The following SPTAN1 variants were observed in gnomAD, a reference collection of about 807,000 sequenced individuals.
SPTAN1 encodes spectrin alpha chain, non-erythrocytic 1.
SPTAN1 carries 61 observed loss-of-function variants against 331.3 expected under a neutral mutation model. The observed-to-expected ratio is 0.18, with a 90% confidence interval of 0.15 to 0.23. The LOEUF (loss-of-function observed/expected upper bound fraction) is 0.23, where lower values mean the gene tolerates loss of function less well. Ranked by LOEUF, SPTAN1 falls within the 10% of genes least tolerant of loss-of-function variation. The pLI, the probability that SPTAN1 is intolerant of heterozygous loss-of-function variation, is 1.00. For synonymous variants in SPTAN1, 1,153 were observed against 1,173.9 expected (o/e 0.98, Z 0.36); for missense variants, 2,043 against 3,147.9 (o/e 0.65, Z 8.40).
At chr9:128,561,922 G>T (rs978248238) in intron 1 of SPTAN1, among the ~76,000 whole-genome samples, 10 of 151,992 alleles carry the variant, frequency 6.6e-5, no homozygotes, top group Non-Finnish European at 1.3e-4. Flanking sequence ...GAGAGTAAGA[G>T]TAAAATATGG....
intron 42 of SPTAN1, 30 bp from the exon 43 acceptor site, chr9:128,617,957 G>T (rs1482218757): frequency 1.2e-6 from 2 of 1,614,160 alleles, no homozygotes; most frequent in Non-Finnish European, 1.7e-6. Flanking sequence ...AGAGCTACCT[G>T]CTGTTAACCT....
At position 128,575,106 on chromosome 9, in the gene SPTAN1, G is replaced by A. The variant is rs1301001316; in HGVS notation, c.505-93G>A. ...AACTGTATCCATTAAAGCTAACATGGCTCCGTCCCTAATGTGTCTGTTTGA... is the reference window on the plus strand; with the variant it reads ...AACTGTATCCATTAAAGCTAACATGACTCCGTCCCTAATGTGTCTGTTTGA... On this transcript the variant is annotated intron_variant, in intron 4 of 56. Coordinates refer to ENST00000372739, the MANE Select transcript of SPTAN1 (RefSeq NM_001130438.3). 4 of 1,546,266 alleles carry A rather than the reference G, an allele frequency of 2.6e-6. No homozygotes were observed. The East Asian group carries it at 9.0e-5, about 35-fold the overall frequency.
In SPTAN1 at chr9:128,623,126, G is replaced by A. The variant is rs193065306; in HGVS notation, c.5833-1202G>A. Among the ~76,000 whole-genome samples the A allele has an allele frequency of 5.3e-4, 80 of 152,158 alleles. 2 individuals carry two copies. The highest frequency in any genetic ancestry group is 1.9e-3 in the African/African-American group (78 of 41,498). On this transcript the variant is annotated intron_variant, in intron 45 of 56. Transcript: ENST00000372739. ...GCTGGAGTGTAGTGGCACGATCTCGGCTCACTGTAGCCTCTGCCTCCCGGG... is the reference window on the plus strand; with the variant it reads ...GCTGGAGTGTAGTGGCACGATCTCGACTCACTGTAGCCTCTGCCTCCCGGG...
intron 28 of SPTAN1, among the ~76,000 whole-genome samples, chr9:128,603,916 G>A (rs1049518928): frequency 2.0e-5 from 3 of 152,230 alleles, no homozygotes; most frequent in South Asian, 2.1e-4. Context: ...GTCCTGTGGC[G>A]TGTCGGCTCT....
chr9:128,567,251 C>CTG (rs1210825388), intron 2 of SPTAN1, among the ~76,000 whole-genome samples: 1 of 152,046 alleles, frequency 6.6e-6, no homozygotes. Flanking sequence ...CAGGGAAGTT[C>CTG]TGGGTTAATC....
chr9:128,632,763 C>G (rs1859986358), intron 55 of SPTAN1, 45 bp downstream of exon 55: 3 of 1,613,918 alleles, frequency 1.9e-6, no homozygotes, highest in Non-Finnish European at 2.5e-6. Flanking sequence ...GCCCGGGGCA[C>G]CCACCTGCCC....
At chr9:128,621,720 A>AT (rs1211017411) in intron 45 of SPTAN1, 16 of 231,698 alleles carry the variant, frequency 6.9e-5, no homozygotes, top group Non-Finnish European at 1.0e-4. Flanking sequence ...TAATAGGATC[A>AT]TATCACTCCA....
chr9:128,611,205 C>G (rs1330278116), intron 37 of SPTAN1, among the ~76,000 whole-genome samples: 1 of 152,218 alleles, frequency 6.6e-6, no homozygotes, highest in Admixed American at 6.5e-5. Flanking sequence ...CTTGGTGGCT[C>G]ATGCTTGTAA....
chr9:128,561,995 C>T lies in SPTAN1; in HGVS notation c.-3-4743C>T, dbSNP rs117373119. The stretch of plus-strand genomic sequence containing the variant: ...TAGGGAGAACACAATAATTTCATGG[C>T]AGAATGTGGCAGTGTTATAAGATGA... On this transcript the variant is annotated intron_variant, in intron 1 of 56. Coordinates refer to ENST00000372739, the MANE Select transcript of SPTAN1 (RefSeq NM_001130438.3). 2.7e-3 allele frequency among the ~76,000 whole-genome samples: 409 copies of T among 152,128 alleles called. 13 individuals carry two copies. The East Asian group carries it at 0.069, about 26-fold the overall frequency.
At chr9:128,608,363 C>A in intron 34 of SPTAN1, 87 bp downstream of exon 34, 1 of 1,510,978 alleles carries the variant, frequency 6.6e-7, no homozygotes, top group Non-Finnish European at 9.1e-7. Flanking sequence ...GTTATATCTC[C>A]AAGGAATACC....
chr9:128,558,521 G>T (rs1416832088), intron 1 of SPTAN1, among the ~76,000 whole-genome samples: 1 of 152,162 alleles, frequency 6.6e-6, no homozygotes, highest in Non-Finnish European at 1.5e-5. Context: ...TCAGTTGATT[G>T]CATTCCTAGG....
intron 52 of SPTAN1, 139 bp from the exon 53 acceptor site, chr9:128,631,988 A>G: frequency 3.6e-6 from 3 of 824,836 alleles, no homozygotes; most frequent in East Asian, 2.7e-5. Context: ...CCATCCCACT[A>G]TTCCTATTCT....
intron 19 of SPTAN1, 101 bp downstream of exon 19, chr9:128,586,066 T>C: frequency 1.0e-6 from 1 of 960,040 alleles, no homozygotes; most frequent in Non-Finnish European, 1.6e-6. Context: ...AGGTGTGCAT[T>C]ACAGTGATTG....
Position 128,626,329 on chromosome 9 carries a change from C to T in SPTAN1, c.6280-62C>T, listed in dbSNP as rs936540679. 8.8e-6 allele frequency: 14 copies of T among 1,597,484 alleles called. No homozygotes were observed. The African/African-American group carries it at 1.3e-4, about 15-fold the overall frequency. ...CAGGAACCACCCCGCACCCCACCTC[C>T]TGCACTGCGTCGGCACGTCCAGCCC... On this transcript the variant is annotated intron_variant, in intron 48 of 56. Transcript: ENST00000372739.
chr9:128,588,753 A>C, intron 20 of SPTAN1, 56 bp from the exon 21 acceptor site: 2 of 1,609,808 alleles, frequency 1.2e-6, no homozygotes, highest in Admixed American at 3.3e-5. Context: ...CTCTGTACTT[A>C]GATGACTCAG....
chr9:128,628,413 C>T, intron 51 of SPTAN1: 1 of 348,608 alleles, frequency 2.9e-6, no homozygotes, highest in South Asian at 2.2e-5. Flanking sequence ...CACTGACACC[C>T]CCTAAGTAGC....
Position 128,627,280 on chromosome 9 carries a change from G to A in SPTAN1, c.6577-106G>A. On this transcript the variant is annotated intron_variant, in intron 49 of 56. Coordinates refer to ENST00000372739, the MANE Select transcript of SPTAN1 (RefSeq NM_001130438.3). This position sits in a 1 kb window ranked among gnomAD's most constrained non-coding sequence, Gnocchi z 4.9. ...CCAGCCTCCTCCTCTCATCTTTGGG[G>A]AGGTTCCTTGTGGGGAGGCCACCAC... The A allele has an allele frequency of 2.1e-6, 2 of 947,596 alleles. No homozygotes were observed. The highest frequency in any genetic ancestry group is 3.3e-6 in the Non-Finnish European group (2 of 611,188). 58.7% of individuals were successfully genotyped at this position (947,596 alleles called of 1,614,324 possible).
Position 128,566,783 on chromosome 9 carries a change from A to G in SPTAN1, c.43A>G (p.Ile15Val), listed in dbSNP as rs1344687014. 1.2e-6 allele frequency: 2 copies of G among 1,614,246 alleles called. No individual in the cohort carries two copies. Among genetic ancestry groups the G allele is most frequent in the Non-Finnish European group, 1.7e-6 (2 of 1,180,048 alleles). Residue 15 changes from isoleucine (I) to valine (V), a missense_variant, in exon 2 of 57, where the codon ATC becomes GTC. By Grantham distance (29) the Ile-to-Val change is conservative (BLOSUM62 3). Around this residue, in one of 12 missense-constraint regions of SPTAN1, gnomAD observed 1,038 missense variants for 1,531.5 expected, o/e 0.68. Coordinates refer to ENST00000372739, the MANE Select transcript of SPTAN1 (RefSeq NM_001130438.3). ...CAAAGTGCTGGAAACAGCAGAGGACATCCAGGAGAGGCGGCAGCAGGTCCT... is the reference window on the plus strand; with the variant it reads ...CAAAGTGCTGGAAACAGCAGAGGACGTCCAGGAGAGGCGGCAGCAGGTCCT... Reference protein sequence around the residue: ...GVKVLETAEDIQERRQQVLDR... With the variant: ...GVKVLETAEDVQERRQQVLDR...
At chr9:128,599,888 G>T in intron 26 of SPTAN1, 192 bp from the exon 27 acceptor site, 1 of 632,520 alleles carries the variant, frequency 1.6e-6, no homozygotes, top group Non-Finnish European at 2.8e-6. Context: ...TCCCCTGTTT[G>T]TTGGCTTAAT....
Sources: gnomAD v4.1 joint callset for allele counts (sites outside exome capture counted in the v4.1 genomes callset) on GRCh38, gnomAD v4.1.1 for gene constraint, gnomAD v4.1.1 regional missense constraint, Gnocchi (gnomAD v3.1) non-coding constraint, MANE v1.5 for transcripts, NCBI Gene and HGNC (gene_info 2026-07-23, HGNC 2026-07-21) for gene names.